Variants in RPS6KC1 observed in about 807,000 individuals in gnomAD.
RPS6KC1 encodes ribosomal protein S6 kinase C1.
Under a neutral mutation model 103.8 loss-of-function variants are expected in RPS6KC1, and 54 were observed. That is an observed-to-expected ratio of 0.52 (90% CI 0.42 to 0.65). The LOEUF (loss-of-function observed/expected upper bound fraction) is 0.65. Among genes scored for constraint, RPS6KC1 ranks in the 30% least tolerant of loss-of-function variants. RPS6KC1 has a pLI of 0.00. For missense variants in RPS6KC1, 1,151 were observed against 1,253.8 expected, an observed-to-expected ratio of 0.92 and a Z score of 1.24; for synonymous variants, 439 against 438.7, an observed-to-expected ratio of 1.00 and a Z score of -0.01.
At chr1:213,537,816 G>A in the RPS6KC1 span, among the ~76,000 whole-genome samples, 2 of 152,140 alleles carry the variant, frequency 1.3e-5, no homozygotes, top group Admixed American at 6.6e-5. Flanking sequence ...CTGACTGCTT[G>A]AGATGTTTAG....
the RPS6KC1 span, among the ~76,000 whole-genome samples, chr1:213,490,173 G>A: frequency 2.0e-5 from 3 of 152,176 alleles, no homozygotes; most frequent in African/African-American, 7.2e-5. Flanking sequence ...CCCATTGGGT[G>A]TGGTTTCTGC....
the RPS6KC1 span, among the ~76,000 whole-genome samples, chr1:213,686,592 A>G: frequency 4.6e-5 from 7 of 152,286 alleles, no homozygotes; most frequent in East Asian, 9.6e-4. Flanking sequence ...GACCCCATAA[A>G]TGAGCATATA....
At chr1:213,221,790 T>G (rs1269244147) in intron 8 of RPS6KC1, among the ~76,000 whole-genome samples, 7 of 152,210 alleles carry the variant, frequency 4.6e-5, no homozygotes, top group Admixed American at 4.6e-4. Context: ...CTACATAAAT[T>G]GAAATATAGG....
the RPS6KC1 span, among the ~76,000 whole-genome samples, chr1:213,738,393 C>T: frequency 6.8e-3 from 1,033 of 152,144 alleles, 14 homozygotes; most frequent in African/African-American, 0.024. Flanking sequence ...TGTTGACAAT[C>T]GTTTGCAAGA....
At chr1:213,704,369 C>G in the RPS6KC1 span, among the ~76,000 whole-genome samples, 5 of 114,536 alleles carry the variant, frequency 4.4e-5, no homozygotes, top group African/African-American at 1.8e-4. Context: ...GCCTGGGCGA[C>G]AGCGAGACTC....
At position 213,205,271 on chromosome 1, in the gene RPS6KC1, T is replaced by A. The variant is rs565239700; in HGVS notation, c.1045-25226T>A. ...CCATGGTGAGACACTTGAGATGTTC[T>A]GCTGAAGACAATTGTTACATATTGG... is the stretch of plus-strand genomic sequence containing the variant. On this transcript the variant is annotated intron_variant, in intron 8 of 14. Transcript: ENST00000366960. 7.0e-5 allele frequency: 69 copies of A among 985,124 alleles called. No individual in the cohort carries two copies. The African/African-American group carries it at 1.1e-3, about 16-fold the overall frequency. 61.0% of individuals were successfully genotyped at this position (985,124 alleles called of 1,614,324 possible). A position where few individuals can be genotyped will look rare whatever the true frequency, so the allele number is the denominator to read the frequency against.
At chr1:213,267,453 A>G (rs1050281851) in intron 14 of RPS6KC1, among the ~76,000 whole-genome samples, 1 of 152,036 alleles carries the variant, frequency 6.6e-6, no homozygotes, top group Non-Finnish European at 1.5e-5. Context: ...CAGACTCTAG[A>G]GTTGCTAAAA....
At chr1:213,780,756 G>T in the RPS6KC1 span, among the ~76,000 whole-genome samples, 1 of 152,186 alleles carries the variant, frequency 6.6e-6, no homozygotes, top group African/African-American at 2.4e-5. Flanking sequence ...GGGCTCAGTG[G>T]TGCATGCCTG....
chr1:213,081,564 A>G (rs141633012), intron 3 of RPS6KC1, among the ~76,000 whole-genome samples: 1 of 152,048 alleles, frequency 6.6e-6, no homozygotes, highest in East Asian at 1.9e-4. Flanking sequence ...AGATTGTACT[A>G]GGGTTGGTCT....
intron 6 of RPS6KC1, among the ~76,000 whole-genome samples, chr1:213,150,995 GA>G (rs1389770132): frequency 3.8e-5 from 2 of 52,700 alleles, no homozygotes; most frequent in Admixed American, 1.3e-4. Flanking sequence ...GCAGGGGGCT[GA>G]CCCCCCCCAC....
chr1:213,134,966 A>G (rs1290608990), intron 6 of RPS6KC1, among the ~76,000 whole-genome samples: 1 of 152,160 alleles, frequency 6.6e-6, no homozygotes, highest in Non-Finnish European at 1.5e-5. Flanking sequence ...ACAATGTACA[A>G]GAACATTGGG....
chr1:213,669,213 C>A, the RPS6KC1 span, among the ~76,000 whole-genome samples: 2 of 152,194 alleles, frequency 1.3e-5, no homozygotes, highest in Non-Finnish European at 2.9e-5. Flanking sequence ...TAAGCTTAAT[C>A]GTTCTATCTT....
chr1:213,129,375 C>A, intron 5 of RPS6KC1, 152 bp from the exon 6 acceptor site: 1 of 813,228 alleles, frequency 1.2e-6, no homozygotes, highest in Non-Finnish European at 1.9e-6. Flanking sequence ...TGGACTAAGC[C>A]TAAACAAATT....
the RPS6KC1 span, among the ~76,000 whole-genome samples, chr1:213,738,457 G>A: frequency 1.3e-5 from 2 of 152,160 alleles, no homozygotes; most frequent in Non-Finnish European, 2.9e-5. Context: ...GAAAGCCGCT[G>A]ACTAGAGGAT....
the RPS6KC1 span, among the ~76,000 whole-genome samples, chr1:213,387,758 G>A: frequency 2.6e-5 from 4 of 152,148 alleles, no homozygotes; most frequent in African/African-American, 9.7e-5. Context: ...AGAAATGGAG[G>A]GACCTAGGCA....
intron 6 of RPS6KC1, among the ~76,000 whole-genome samples, chr1:213,147,091 T>A (rs554093786): frequency 1.3e-5 from 2 of 152,318 alleles, no homozygotes; most frequent in Non-Finnish European, 2.9e-5. Flanking sequence ...TATATTCTAT[T>A]AATCCCTTGT....
At chr1:213,787,232 A>G in the RPS6KC1 span, among the ~76,000 whole-genome samples, 1 of 152,192 alleles carries the variant, frequency 6.6e-6, no homozygotes, top group African/African-American at 2.4e-5. Context: ...CCTTGACTTT[A>G]TGAAGCTTGA....
intron 8 of RPS6KC1, among the ~76,000 whole-genome samples, chr1:213,179,955 C>G (rs1330952264): frequency 2.6e-5 from 4 of 152,102 alleles, no homozygotes; most frequent in Non-Finnish European, 5.9e-5. Flanking sequence ...TATGAGACTG[C>G]TACCTGGTAC....
At chr1:213,163,672 CTT>C (rs974743997) in intron 6 of RPS6KC1, among the ~76,000 whole-genome samples, 13 of 151,154 alleles carry the variant, frequency 8.6e-5, no homozygotes, top group African/African-American at 3.2e-4. Context: ...AAAAATGCCT[CTT>C]GATTTTTTTT....
Sources: allele counts gnomAD v4.1 joint callset (sites outside exome capture counted in the v4.1 genomes callset), GRCh38; gene constraint gnomAD v4.1.1; transcripts MANE v1.5; gene names NCBI Gene and HGNC (gene_info 2026-07-23, HGNC 2026-07-21).